Variants in CACNA1C observed in about 807,000 individuals in gnomAD.
CACNA1C encodes voltage-dependent L-type calcium channel subunit alpha-1C.
A neutral mutation model predicts 229.0 loss-of-function variants in CACNA1C; 30 were observed. The observed-to-expected ratio is 0.13, with a 90% CI of 0.10 to 0.18. The LOEUF is 0.18. Among genes scored for constraint, CACNA1C ranks in the 10% least tolerant of loss-of-function variants. The pLI, the probability that CACNA1C is intolerant of heterozygous loss-of-function variation, is 1.00. For missense variants in CACNA1C, 1,658 were observed against 2,845.0 expected, an observed-to-expected ratio of 0.58 and a Z score of 9.49; for synonymous variants, 1,114 against 1,132.5, an observed-to-expected ratio of 0.98 and a Z score of 0.33.
rs138934628 is a variant in CACNA1C at position 2,448,406 on chromosome 12, T to C, written c.478-570T>C. ...GATTTCACATTTCTGGATCGGTGTA[T>C]GTGAGCAGGTTGCCTCTGTCTGGGC... is the stretch of plus-strand genomic sequence containing the variant. On this transcript the variant is annotated intron_variant, in intron 3 of 46. Transcript: ENST00000399655. 9.3e-4 allele frequency among the ~76,000 whole-genome samples: 142 copies of C among 152,322 alleles called. 1 individual carries two copies. Among genetic ancestry groups the C allele is most frequent in the African/African-American group, 3.2e-3 (135 of 41,578 alleles).
chr12:2,398,298 A>G (rs998841089), intron 3 of CACNA1C, among the ~76,000 whole-genome samples: 1 of 152,208 alleles, frequency 6.6e-6, no homozygotes, highest in African/African-American at 2.4e-5. Flanking sequence ...GGCCAAGAAA[A>G]TTGTATTGAG....
intron 1 of CACNA1C, among the ~76,000 whole-genome samples, chr12:2,062,787 A>G (rs2154518310): frequency 6.6e-6 from 1 of 152,144 alleles, no homozygotes; most frequent in Middle Eastern, 3.4e-3. Context: ...TTCACCACCC[A>G]TTCTTGGAAT....
intron 9 of CACNA1C, among the ~76,000 whole-genome samples, chr12:2,548,441 A>G (rs900510229): frequency 1.3e-5 from 2 of 152,164 alleles, no homozygotes; most frequent in Admixed American, 6.5e-5. Flanking sequence ...ACCCAGCCCT[A>G]CTTGAACACA....
rs189640493 is a variant in CACNA1C, at chr12:2,610,851, T to C, written c.3717+152T>C. Among the ~76,000 whole-genome samples the C allele has an allele frequency of 9.2e-5, 14 of 152,370 alleles. No homozygotes were observed. The East Asian group carries it at 1.9e-3, about 21-fold the overall frequency. ...AAAGACGAGTGTTCTCTGTCAAGGA[T>C]GTGCTCCTCTCTGGGCCTTACGGAA... is the stretch of plus-strand genomic sequence containing the variant. On this transcript the variant is annotated intron_variant, in intron 28 of 46. Transcript: ENST00000399655.
chr12:2,536,306 G>A (rs1026490086), intron 9 of CACNA1C, among the ~76,000 whole-genome samples: 25 of 152,356 alleles, frequency 1.6e-4, no homozygotes, highest in Non-Finnish European at 1.3e-4. Context: ...CTCATCCATA[G>A]TAAAACTCTG....
chr12:1,996,046 T>C (rs1436986300), intron 1 of CACNA1C, among the ~76,000 whole-genome samples: 2 of 152,224 alleles, frequency 1.3e-5, no homozygotes, highest in East Asian at 1.9e-4. Context: ...GTTCAAAATA[T>C]TGTCATTTTT....
At chr12:2,006,022 C>T (rs1040761787) in intron 1 of CACNA1C, among the ~76,000 whole-genome samples, 36 of 152,090 alleles carry the variant, frequency 2.4e-4, no homozygotes, top group Admixed American at 1.3e-4. Context: ...ACACATAGCC[C>T]GGGGTCTTTA....
intron 3 of CACNA1C, among the ~76,000 whole-genome samples, chr12:2,299,772 A>G (rs2094408633): frequency 6.6e-6 from 1 of 152,074 alleles, no homozygotes; most frequent in Admixed American, 6.5e-5. Context: ...CCTTTTGGTC[A>G]TCTGATGGCC....
Position 2,646,996 on chromosome 12 carries a change from C to G in CACNA1C, c.3913-1479C>G, listed in dbSNP as rs2094438511. Among the ~76,000 whole-genome samples, 1 of 151,916 alleles carries G rather than the reference C, an allele frequency of 6.6e-6. No individual in the cohort carries two copies. The highest frequency in any genetic ancestry group is 2.4e-5 in the African/African-American group (1 of 41,332). On this transcript the variant is annotated intron_variant, in intron 30 of 46. Coordinates refer to ENST00000399655, the MANE Select transcript of CACNA1C (RefSeq NM_000719.7). This position sits in a 1 kb window ranked among gnomAD's most constrained non-coding sequence, Gnocchi z 4.6. Reference sequence around the variant, plus strand: ...AGAAGTGTCCCTTTCTTTCTCCTCCCTCACCTCACCCTATATCTCCACCAT... The same window carrying G: ...AGAAGTGTCCCTTTCTTTCTCCTCCGTCACCTCACCCTATATCTCCACCAT...
chr12:2,431,021 G>T (rs1596051884), intron 3 of CACNA1C, among the ~76,000 whole-genome samples: 1 of 152,312 alleles, frequency 6.6e-6, no homozygotes, highest in East Asian at 1.9e-4. Flanking sequence ...GCAGGCAGAG[G>T]GAGCTCCCTT....
chr12:2,658,936 G>A (rs2095563568), intron 34 of CACNA1C, among the ~76,000 whole-genome samples: 1 of 151,994 alleles, frequency 6.6e-6, no homozygotes, highest in Non-Finnish European at 1.5e-5. Flanking sequence ...TGTACAATGT[G>A]TATTTTAAGT....
rs1371460882 is a variant in CACNA1C at position 2,602,407 on chromosome 12, GTA to G, written c.2960+455_2960+456del. ...TGTATGAGTGTATGTGTGAATGTGT[GTA>G]TATATATGTCTGTGTAAGTGTGGGG... On this transcript the variant is annotated intron_variant, in intron 22 of 46. Coordinates refer to ENST00000399655, the MANE Select transcript of CACNA1C (RefSeq NM_000719.7). This position sits in a 1 kb window ranked among gnomAD's most constrained non-coding sequence, Gnocchi z 4.4. Among the ~76,000 whole-genome samples, 1 of 152,012 alleles carries G rather than the reference GTA, an allele frequency of 6.6e-6. No homozygotes were observed. Among genetic ancestry groups the G allele is most frequent in the African/African-American group, 2.4e-5 (1 of 41,348 alleles).
intron 3 of CACNA1C, among the ~76,000 whole-genome samples, chr12:2,378,388 C>T (rs115973650): frequency 0.017 from 2,652 of 152,240 alleles, 70 homozygotes; most frequent in African/African-American, 0.06. Context: ...TCTTTTAAAA[C>T]TGTTTTTACA....
intron 3 of CACNA1C, among the ~76,000 whole-genome samples, chr12:2,204,554 C>A (rs994465279): frequency 1.3e-5 from 2 of 150,814 alleles, no homozygotes; most frequent in African/African-American, 4.9e-5. Flanking sequence ...AAATGTCCAA[C>A]AATGATAGAC....
At chr12:1,993,058 A>T in intron 1 of CACNA1C, 1 of 725,092 alleles carries the variant, frequency 1.4e-6, no homozygotes, top group Non-Finnish European at 2.4e-6. Context: ...TTATATCATC[A>T]TATTTATATT....
At chr12:2,080,874 A>T (rs1448765962) in intron 1 of CACNA1C, among the ~76,000 whole-genome samples, 1 of 152,202 alleles carries the variant, frequency 6.6e-6, no homozygotes, top group Non-Finnish European at 1.5e-5. Flanking sequence ...AGCCATTGAA[A>T]GAATTGGTGG....
In CACNA1C at chr12:2,226,018, A is replaced by G. The variant is rs552763696; in HGVS notation, c.477+105588A>G. ...GAGAAGAGTACCATTTGCTTCCCCAATGCTAGGAGAGGAAGGTGATGAGAC... is the reference window on the plus strand; with the variant it reads ...GAGAAGAGTACCATTTGCTTCCCCAGTGCTAGGAGAGGAAGGTGATGAGAC... On this transcript the variant is annotated intron_variant, in intron 3 of 46. Coordinates refer to ENST00000399655, the MANE Select transcript of CACNA1C (RefSeq NM_000719.7). 7.2e-4 allele frequency among the ~76,000 whole-genome samples: 109 copies of G among 152,184 alleles called. 2 individuals carry two copies. The Middle Eastern group carries it at 0.01, about 14-fold the overall frequency.
intron 3 of CACNA1C, among the ~76,000 whole-genome samples, chr12:2,263,972 C>T (rs184165534): frequency 8.5e-5 from 13 of 152,284 alleles, no homozygotes; most frequent in Admixed American, 5.2e-4. Context: ...CCTCGGAGAT[C>T]AAATGCATAA....
rs561624131 is a variant in CACNA1C at position 2,446,718 on chromosome 12, T to C, written c.478-2258T>C. Among the ~76,000 whole-genome samples, 3 of 148,038 alleles carry C rather than the reference T, an allele frequency of 2.0e-5. No individual in the cohort carries two copies. In the East Asian group the frequency reaches 6.3e-4, roughly 31 times the overall value. On this transcript the variant is annotated intron_variant, in intron 3 of 46. Coordinates refer to ENST00000399655, the MANE Select transcript of CACNA1C (RefSeq NM_000719.7). Reference sequence around the variant, plus strand: ...GTGGATAGATGGATTGATGGGTGGATGGACAGGTGGGTGAATGGATGGATG... The same window carrying C: ...GTGGATAGATGGATTGATGGGTGGACGGACAGGTGGGTGAATGGATGGATG...
Sources: gnomAD v4.1 joint callset for allele counts (sites outside exome capture counted in the v4.1 genomes callset) on GRCh38, gnomAD v4.1.1 for gene constraint, Gnocchi (gnomAD v3.1) non-coding constraint, MANE v1.5 for transcripts, NCBI Gene and HGNC (gene_info 2026-07-23, HGNC 2026-07-21) for gene names.